Variants in CSMD3 observed in about 807,000 individuals in gnomAD.
CSMD3 encodes the protein CUB and sushi domain-containing protein 3.
In CSMD3, 177 loss-of-function variants were observed where a neutral mutation model predicts 435.2. The ratio of observed to expected loss-of-function variants is 0.41; its 90% CI spans 0.36 to 0.46. The LOEUF (loss-of-function observed/expected upper bound fraction) is 0.46, where lower values mean the gene tolerates loss of function less well. Ranked by LOEUF, CSMD3 falls within the 20% of genes least tolerant of loss-of-function variation. The pLI, the probability that CSMD3 is intolerant of heterozygous loss-of-function variation, is 0.34. For missense variants in CSMD3, 4,265 were observed against 4,504.6 expected, an observed-to-expected ratio of 0.95 and a Z score of 1.52; for synonymous variants, 1,656 against 1,520.5, an observed-to-expected ratio of 1.09 and a Z score of -2.07.
rs1262279796 is a variant in CSMD3 at position 112,228,970 on chromosome 8, C to T, written c.10829-79G>A. ...TCTACTCCCATGAATCAATTAATTT[C>T]TTCTATTCTCAAGATATCTACCTGG... is the stretch of plus-strand genomic sequence containing the variant. On this transcript the variant is annotated intron_variant, in intron 69 of 70. Coordinates refer to ENST00000297405, the MANE Select transcript of CSMD3 (RefSeq NM_198123.2). The T allele has an allele frequency of 2.0e-5, 16 of 806,670 alleles. No homozygotes were observed. In the Admixed American group the frequency reaches 3.2e-4, roughly 16 times the overall value. 50.0% of individuals were successfully genotyped at this position (806,670 alleles called of 1,614,324 possible).
chr8:112,601,927 T>C (rs1223093975), intron 22 of CSMD3, among the ~76,000 whole-genome samples: 1 of 152,212 alleles, frequency 6.6e-6, no homozygotes, highest in Non-Finnish European at 1.5e-5. Flanking sequence ...AAACAATTTT[T>C]CTATTTATAG....
intron 13 of CSMD3, among the ~76,000 whole-genome samples, chr8:112,699,758 T>G (rs1490357480): frequency 6.6e-6 from 1 of 152,176 alleles, no homozygotes; most frequent in African/African-American, 2.4e-5. Flanking sequence ...GGCCTATGCC[T>G]GGATATGGGA....
chr8:112,833,516 A>C (rs1431986301), intron 11 of CSMD3, among the ~76,000 whole-genome samples: 1 of 152,052 alleles, frequency 6.6e-6, no homozygotes, highest in East Asian at 1.9e-4. Context: ...AGTTTCTTAC[A>C]TAGCAAGCAT....
chr8:113,283,351 T>C (rs1398279204), intron 2 of CSMD3, among the ~76,000 whole-genome samples: 1 of 151,732 alleles, frequency 6.6e-6, no homozygotes, highest in Non-Finnish European at 1.5e-5. Context: ...AAAGGACTAA[T>C]ATCCAGAATC....
intron 1 of CSMD3, among the ~76,000 whole-genome samples, chr8:113,397,789 G>A (rs2094490584): frequency 6.6e-6 from 1 of 151,660 alleles, no homozygotes; most frequent in Admixed American, 6.6e-5. Flanking sequence ...CTGCACTCCA[G>A]CCTGGACGCG....
At chr8:112,750,361 G>A (rs953397101) in intron 13 of CSMD3, among the ~76,000 whole-genome samples, 3 of 151,550 alleles carry the variant, frequency 2.0e-5, no homozygotes, top group Admixed American at 6.6e-5. Context: ...TCAACTATGG[G>A]TAAGTCCCCT....
intron 1 of CSMD3, among the ~76,000 whole-genome samples, chr8:113,379,621 A>G (rs2094406377): frequency 6.6e-6 from 1 of 152,174 alleles, no homozygotes; most frequent in Admixed American, 6.5e-5. Context: ...GCTATAAAAG[A>G]ATGTGGCTGC....
rs868276661 is a variant in CSMD3, at chr8:112,300,213, A to T, written c.8440+1580T>A. ...TATTTTAAATATATATTTATTTATA[A>T]ATGTATACATATTTAAAGATACATG... On this transcript the variant is annotated intron_variant, in intron 53 of 70. Coordinates refer to ENST00000297405, the MANE Select transcript of CSMD3 (RefSeq NM_198123.2). 4.1e-5 allele frequency among the ~76,000 whole-genome samples: 6 copies of T among 147,124 alleles called. No homozygotes were observed. The South Asian group carries it at 1.3e-3, about 31-fold the overall frequency.
At chr8:112,421,772 A>AAAATGAATAAAAAACAATTTT (rs1812539052) in intron 32 of CSMD3, among the ~76,000 whole-genome samples, 1 of 150,644 alleles carries the variant, frequency 6.6e-6, no homozygotes, top group East Asian at 1.9e-4. Flanking sequence ...AGAAATTGAG[A>AAAATGAATAAAAAACAATTTT]AAATGAATAA....
At chr8:113,067,398 G>A (rs1588004488) in intron 5 of CSMD3, among the ~76,000 whole-genome samples, 2 of 152,178 alleles carry the variant, frequency 1.3e-5, no homozygotes, top group Non-Finnish European at 2.9e-5. Context: ...AGACTAGTAC[G>A]GAATGGACTG....
chr8:112,824,730 C>T (rs1384048799), intron 12 of CSMD3, among the ~76,000 whole-genome samples: 1 of 152,100 alleles, frequency 6.6e-6, no homozygotes, highest in African/African-American at 2.4e-5. Context: ...CCTGGCTGCC[C>T]TTAACATTTT....
intron 3 of CSMD3, among the ~76,000 whole-genome samples, chr8:113,194,068 A>C (rs1009034545): frequency 6.6e-6 from 1 of 151,328 alleles, no homozygotes; most frequent in Non-Finnish European, 1.5e-5. Context: ...TTGAATCAGG[A>C]ACCAATTTTC....
chr8:113,157,603 A>T (rs1385132566), intron 4 of CSMD3, among the ~76,000 whole-genome samples: 1 of 152,142 alleles, frequency 6.6e-6, no homozygotes, highest in Non-Finnish European at 1.5e-5. Flanking sequence ...TCTTTAAAAA[A>T]TCACTAAATC....
intron 4 of CSMD3, among the ~76,000 whole-genome samples, chr8:113,128,901 G>T (rs934802891): frequency 6.6e-6 from 1 of 152,066 alleles, no homozygotes; most frequent in Non-Finnish European, 1.5e-5. Context: ...ACATTTATAT[G>T]TCAAATTGGG....
At chr8:113,103,257 G>A (rs1317465502) in intron 4 of CSMD3, among the ~76,000 whole-genome samples, 1 of 152,122 alleles carries the variant, frequency 6.6e-6, no homozygotes, top group Non-Finnish European at 1.5e-5. Flanking sequence ...GCTTCCGAAT[G>A]TGGTTGCTTA....
chr8:112,975,930 G>A lies in CSMD3; in HGVS notation c.1249C>T (p.Pro417Ser), dbSNP rs2130932690. The change falls in exon 7 of 71, where the codon CCT becomes TCT. Residue 417 changes from proline to serine, a missense_variant. Physicochemically the swap from Pro to Ser is moderately conservative, Grantham distance 74. This residue lies in a region of CSMD3 where 731 missense variants were observed against 755.4 expected (regional missense o/e 0.97). Coordinates refer to ENST00000297405, the MANE Select transcript of CSMD3 (RefSeq NM_198123.2). The part of the protein sequence containing the change: ...DPNTSKDGLS[P>S]HPADTQSTRR... ...GTACTTTGTGTATCTGCTGGATGAG[G>A]AGAGAGCCCGTCCTTGGACGTGTTG... is the stretch of plus-strand genomic sequence containing the variant. The A allele has an allele frequency of 6.2e-6, 10 of 1,614,022 alleles. No homozygotes were observed. The highest frequency in any genetic ancestry group is 8.5e-6 in the Non-Finnish European group (10 of 1,179,942).
At chr8:112,273,496 C>T (rs1270645272) in intron 59 of CSMD3, among the ~76,000 whole-genome samples, 3 of 151,942 alleles carry the variant, frequency 2.0e-5, no homozygotes, top group South Asian at 4.2e-4. Context: ...GAGGCCGAGG[C>T]GGGTGGATCA....
intron 45 of CSMD3, among the ~76,000 whole-genome samples, chr8:112,321,533 C>T (rs1822996921): frequency 1.3e-5 from 2 of 152,042 alleles, no homozygotes; most frequent in Non-Finnish European, 2.9e-5. Flanking sequence ...TTGTGCAAAG[C>T]ATAAAATCAT....
In CSMD3 at chr8:113,395,192, G is replaced by A. The variant is rs147413753; in HGVS notation, c.178+41485C>T. 1.2e-3 allele frequency among the ~76,000 whole-genome samples: 181 copies of A among 152,198 alleles called. 2 individuals carry two copies. The highest frequency in any genetic ancestry group is 3.5e-3 in the African/African-American group (146 of 41,548). On this transcript the variant is annotated intron_variant, in intron 1 of 70. Transcript: ENST00000297405. ...TTAAGAGACTAACCATTTAGTTTAT[G>A]AATCTTTTTCTTTCCACATTTATAA...
Sources: gnomAD v4.1 joint callset for allele counts (sites outside exome capture counted in the v4.1 genomes callset) on GRCh38, gnomAD v4.1.1 for gene constraint, gnomAD v4.1.1 regional missense constraint, MANE v1.5 for transcripts, NCBI Gene and HGNC (gene_info 2026-07-23, HGNC 2026-07-21) for gene names.